Variants in BTG4 observed in about 807,000 individuals in gnomAD.
BTG4 encodes protein BTG4.
A neutral mutation model predicts 19.3 loss-of-function variants in BTG4; 10 were observed. The observed-to-expected ratio is 0.52, with a 90% CI of 0.32 to 0.88. BTG4 has a LOEUF of 0.88. BTG4 is among the 40% of genes least tolerant of loss of function. The probability of loss-of-function intolerance (pLI) is 0.04; values close to 1 mark genes in which losing one functional copy is unlikely to be tolerated. For missense variants in BTG4, 238 were observed against 281.9 expected (o/e 0.84, Z 1.11); for synonymous variants, 91 against 95.7 (o/e 0.95, Z 0.29).
At chr11:111,488,621 T>C (rs1246452660) in intron 5 of BTG4, among the ~76,000 whole-genome samples, 2 of 151,844 alleles carry the variant, frequency 1.3e-5, no homozygotes, top group Non-Finnish European at 2.9e-5. Flanking sequence ...TAAAAAGCTT[T>C]GCACAGCAAA....
chr11:111,399,864 C>T, the BTG4 span, among the ~76,000 whole-genome samples: 1 of 152,156 alleles, frequency 6.6e-6, no homozygotes, highest in East Asian at 1.9e-4. Flanking sequence ...CTGAGAGGTC[C>T]TTCTGCCCTC....
upstream of BTG4, among the ~76,000 whole-genome samples, chr11:111,512,676 C>A (rs1460193686): frequency 6.6e-6 from 1 of 152,096 alleles, no homozygotes; most frequent in Non-Finnish European, 1.5e-5. Context: ...GGAGGCCTGG[C>A]ACTCCTGGGG....
the BTG4 span, among the ~76,000 whole-genome samples, chr11:111,451,636 T>A: frequency 2.0e-4 from 31 of 152,234 alleles, no homozygotes; most frequent in Middle Eastern, 3.4e-3. Flanking sequence ...TGGTGGTGCA[T>A]GCCTGTAATT....
At chr11:111,514,523 T>TC, upstream of BTG4, 1 of 468,412 alleles carries the variant, frequency 2.1e-6, no homozygotes, top group South Asian at 2.2e-5. Flanking sequence ...GCTAAACTAC[T>TC]CCCCCACTGA....
upstream of BTG4, chr11:111,512,882 C>T: frequency 2.4e-6 from 1 of 423,352 alleles, no homozygotes. Context: ...CCGAGGCGGG[C>T]CCCGACCCCG....
chr11:111,401,827 T>C, the BTG4 span, among the ~76,000 whole-genome samples: 3 of 152,180 alleles, frequency 2.0e-5, no homozygotes, highest in Admixed American at 1.3e-4. Context: ...CCCCATCACC[T>C]AACTCAGAGT....
chr11:111,432,008 T>A, the BTG4 span, among the ~76,000 whole-genome samples: 1 of 146,956 alleles, frequency 6.8e-6, no homozygotes, highest in South Asian at 2.1e-4. Flanking sequence ...AGGTCAGAAT[T>A]ACAAAAAAAT....
the BTG4 span, among the ~76,000 whole-genome samples, chr11:111,429,858 A>T: frequency 6.6e-6 from 1 of 152,168 alleles, no homozygotes; most frequent in Non-Finnish European, 1.5e-5. Flanking sequence ...AAGGTTATAC[A>T]CTTTCTTCAA....
chr11:111,412,483 C>T, the BTG4 span, among the ~76,000 whole-genome samples: 559 of 152,294 alleles, frequency 3.7e-3, 2 homozygotes, highest in South Asian at 6.8e-3. Context: ...GATGCTGACA[C>T]GGCTTTTCTG....
At chr11:111,441,521 T>A in the BTG4 span, among the ~76,000 whole-genome samples, 12 of 152,212 alleles carry the variant, frequency 7.9e-5, no homozygotes, top group African/African-American at 1.7e-4. Context: ...GAATTAGTCA[T>A]GAGTTCCTTA....
At chr11:111,494,654 C>A (rs899689743), downstream of BTG4, among the ~76,000 whole-genome samples, 1 of 151,970 alleles carries the variant, frequency 6.6e-6, no homozygotes, top group African/African-American at 2.4e-5. Context: ...TGGCCGGGCA[C>A]GGTGGCTCAC....
chr11:111,426,617 C>T, the BTG4 span, among the ~76,000 whole-genome samples: 1 of 136,866 alleles, frequency 7.3e-6, no homozygotes, highest in South Asian at 2.4e-4. Context: ...ATCCTGACTC[C>T]TCAGTTTTCC....
intron 5 of BTG4, among the ~76,000 whole-genome samples, chr11:111,478,758 G>C (rs143775194): frequency 6.6e-6 from 1 of 151,990 alleles, no homozygotes; most frequent in African/African-American, 2.4e-5. Context: ...TAAAACGGAA[G>C]AGATAGAGGA....
chr11:111,479,697 T>C (rs1864615586), intron 5 of BTG4, among the ~76,000 whole-genome samples: 1 of 152,128 alleles, frequency 6.6e-6, no homozygotes, highest in Non-Finnish European at 1.5e-5. Flanking sequence ...AAATATTTAA[T>C]GCAAGTATAT....
chr11:111,493,384 A>G (rs371659225), downstream of BTG4, among the ~76,000 whole-genome samples: 9 of 152,360 alleles, frequency 5.9e-5, no homozygotes, highest in Middle Eastern at 3.4e-3. Flanking sequence ...AATTGCCTGC[A>G]CAAGGGCAGA....
chr11:111,459,070 C>T, the BTG4 span, among the ~76,000 whole-genome samples: 4 of 152,000 alleles, frequency 2.6e-5, no homozygotes, highest in Admixed American at 2.0e-4. Flanking sequence ...GGTGAAACCC[C>T]GTCTCTACTA....
the BTG4 span, among the ~76,000 whole-genome samples, chr11:111,421,619 A>G: frequency 7.9e-5 from 12 of 152,218 alleles, no homozygotes; most frequent in African/African-American, 2.7e-4. Flanking sequence ...TAAGGCTTAC[A>G]AAAAGTAGAA....
chr11:111,447,619 T>C, the BTG4 span, among the ~76,000 whole-genome samples: 1 of 151,866 alleles, frequency 6.6e-6, no homozygotes, highest in African/African-American at 2.4e-5. Flanking sequence ...GAAAAGGAGA[T>C]AGGAGATAGA....
chr11:111,413,383 C>T, the BTG4 span, among the ~76,000 whole-genome samples: 1 of 152,258 alleles, frequency 6.6e-6, no homozygotes. Context: ...GGAATGCACA[C>T]GCCGGTTTGA....
Sources: allele counts gnomAD v4.1 joint callset (sites outside exome capture counted in the v4.1 genomes callset), GRCh38; gene constraint gnomAD v4.1.1; transcripts MANE v1.5; gene names NCBI Gene and HGNC (gene_info 2026-07-23, HGNC 2026-07-21).